FARS2: variants seen among roughly 807,000 people sequenced by gnomAD.
FARS2 encodes the protein phenylalanyl-tRNA synthetase 2, mitochondrial, also known as phenylalanine--tRNA ligase, mitochondrial.
A neutral mutation model predicts 46.4 loss-of-function variants in FARS2; 40 were observed. The observed-to-expected ratio is 0.86, with a 90% CI of 0.67 to 1.12. The LOEUF is 1.12. Among genes scored for constraint, FARS2 ranks in the 50% most tolerant of loss-of-function variants. FARS2 has a pLI of 0.00. For missense variants in FARS2, 513 were observed against 567.9 expected, an observed-to-expected ratio of 0.90 and a Z score of 0.98; for synonymous variants, 234 against 214.9, an observed-to-expected ratio of 1.09 and a Z score of -0.78.
At chr6:5,292,760 A>G (rs1400143863) in intron 1 of FARS2, among the ~76,000 whole-genome samples, 2 of 152,210 alleles carry the variant, frequency 1.3e-5, no homozygotes, top group Non-Finnish European at 2.9e-5. Flanking sequence ...ACCTTGGTGT[A>G]TAATTGGCAA....
intron 1 of FARS2, among the ~76,000 whole-genome samples, chr6:5,264,047 A>T (rs1267930777): frequency 6.6e-6 from 1 of 152,130 alleles, no homozygotes; most frequent in East Asian, 1.9e-4. Flanking sequence ...CCCCATCTAT[A>T]CAAAAAATAC....
chr6:5,309,162 G>A (rs1768923900), intron 1 of FARS2, among the ~76,000 whole-genome samples: 1 of 152,186 alleles, frequency 6.6e-6, no homozygotes, highest in Non-Finnish European at 1.5e-5. Context: ...ATGAAATAAA[G>A]GTTGTCTCTG....
intron 6 of FARS2, among the ~76,000 whole-genome samples, chr6:5,721,516 A>ATCAT (rs34942240): frequency 0.34 from 51,652 of 151,812 alleles, 10,075 homozygotes; most frequent in East Asian, 0.77. Context: ...TTTTGAATGG[A>ATCAT]TCATTCACTC....
At chr6:5,310,640 A>G (rs1231269525) in intron 1 of FARS2, among the ~76,000 whole-genome samples, 1 of 152,210 alleles carries the variant, frequency 6.6e-6, no homozygotes, top group Non-Finnish European at 1.5e-5. Flanking sequence ...GTGCAGCTTC[A>G]CTGATAATTA....
chr6:5,465,011 G>A (rs545001497), intron 4 of FARS2, among the ~76,000 whole-genome samples: 105 of 152,280 alleles, frequency 6.9e-4, no homozygotes, highest in African/African-American at 2.2e-3. Flanking sequence ...TGGAGAGTGC[G>A]GAAGCTTGAA....
chr6:5,721,617 A>T (rs1024106355), intron 6 of FARS2, among the ~76,000 whole-genome samples: 1 of 152,216 alleles, frequency 6.6e-6, no homozygotes, highest in African/African-American at 2.4e-5. Flanking sequence ...ACATTTCATT[A>T]TCTAAGATCA....
chr6:5,403,995 T>C (rs1048466134), intron 2 of FARS2, among the ~76,000 whole-genome samples: 35 of 152,358 alleles, frequency 2.3e-4, no homozygotes, highest in African/African-American at 8.4e-4. Context: ...TTTACTATTA[T>C]TATTCCCACT....
At chr6:5,570,568 T>C (rs1772580713) in intron 5 of FARS2, among the ~76,000 whole-genome samples, 1 of 152,214 alleles carries the variant, frequency 6.6e-6, no homozygotes, top group African/African-American at 2.4e-5. Flanking sequence ...GTTTCCCAAT[T>C]AGCACCTTGT....
chr6:5,421,175 A>G (rs549240251), intron 3 of FARS2, among the ~76,000 whole-genome samples: 3 of 152,134 alleles, frequency 2.0e-5, no homozygotes, highest in Non-Finnish European at 4.4e-5. Flanking sequence ...CACAGGCTCC[A>G]CACCACATGG....
intron 6 of FARS2, among the ~76,000 whole-genome samples, chr6:5,647,811 A>G (rs1475444928): frequency 6.6e-6 from 1 of 152,198 alleles, no homozygotes; most frequent in African/African-American, 2.4e-5. Flanking sequence ...CAGTGACCCA[A>G]ACCGCTTTCT....
intron 5 of FARS2, among the ~76,000 whole-genome samples, chr6:5,556,758 T>G (rs1771685206): frequency 6.6e-6 from 1 of 151,790 alleles, no homozygotes; most frequent in Non-Finnish European, 1.5e-5. Flanking sequence ...GTAGTGTAGA[T>G]TGGAAGAATG....
intron 3 of FARS2, among the ~76,000 whole-genome samples, chr6:5,422,116 C>A (rs972475579): frequency 6.6e-6 from 1 of 152,170 alleles, no homozygotes; most frequent in African/African-American, 2.4e-5. Context: ...GTGAAAGGCC[C>A]ATCTGACATG....
intron 4 of FARS2, among the ~76,000 whole-genome samples, chr6:5,468,613 A>G (rs1423631425): frequency 6.6e-6 from 1 of 152,232 alleles, no homozygotes; most frequent in African/African-American, 2.4e-5. Context: ...AGGTAATGAC[A>G]CTATTCTAAT....
At chr6:5,670,276 A>G (rs1778384654) in intron 6 of FARS2, among the ~76,000 whole-genome samples, 1 of 152,218 alleles carries the variant, frequency 6.6e-6, no homozygotes, top group African/African-American at 2.4e-5. Flanking sequence ...AGTTACATCA[A>G]TACTGACTAG....
intron 4 of FARS2, among the ~76,000 whole-genome samples, chr6:5,532,764 GTAATAATAATAA>G (rs113215364): frequency 6.7e-6 from 1 of 148,808 alleles, no homozygotes; most frequent in African/African-American, 2.5e-5. Flanking sequence ...AGTAGTAGTA[GTAATAATAATAA>G]TAATAATAAG....
At chr6:5,316,395 A>C (rs1016705385) in intron 1 of FARS2, among the ~76,000 whole-genome samples, 1 of 152,248 alleles carries the variant, frequency 6.6e-6, no homozygotes, top group African/African-American at 2.4e-5. Flanking sequence ...TTAATGAGAC[A>C]ACATGTAAAG....
Position 5,411,097 on chromosome 6 carries a change from C to T in FARS2, c.772+6396C>T, listed in dbSNP as rs115818558. 9.7e-3 allele frequency among the ~76,000 whole-genome samples: 1,482 copies of T among 152,162 alleles called. 25 individuals carry two copies. The highest frequency in any genetic ancestry group is 0.033 in the African/African-American group (1,389 of 41,506). ...GTGAGGCCTATAAAAGCCATGATGT[C>T]CCCCTGGCCAAACAACAACAACAAC... On this transcript the variant is annotated intron_variant, in intron 3 of 6. Transcript: ENST00000274680.
chr6:5,579,850 T>G lies in FARS2; in HGVS notation c.1066-33319T>G, dbSNP rs141762702. On this transcript the variant is annotated intron_variant, in intron 5 of 6. Transcript: ENST00000274680. ...CTTTACGCATCTCTGCAAATCTACT[T>G]AAAAATAAAATAGCTTTAAAAAAAT... Among the ~76,000 whole-genome samples the G allele has an allele frequency of 2.3e-3, 343 of 152,322 alleles. 8 individuals are homozygous for G. The East Asian group carries it at 0.052, about 23-fold the overall frequency.
At chr6:5,492,746 C>T (rs1275363590) in intron 4 of FARS2, among the ~76,000 whole-genome samples, 1 of 152,198 alleles carries the variant, frequency 6.6e-6, no homozygotes, top group African/African-American at 2.4e-5. Flanking sequence ...TCTCATATTC[C>T]AGGGAGTCCC....
Sources: allele counts gnomAD v4.1 joint callset (sites outside exome capture counted in the v4.1 genomes callset), GRCh38; gene constraint gnomAD v4.1.1; transcripts MANE v1.5; gene names NCBI Gene and HGNC (gene_info 2026-07-23, HGNC 2026-07-21).